The following TBC1D24 variants were observed in gnomAD, a reference collection of about 807,000 sequenced individuals.
TBC1D24 encodes the protein Infantile myoclonic epilepsy.
TBC1D24 carries 47 observed loss-of-function variants against 50.7 expected under a neutral mutation model. The ratio of observed to expected loss-of-function variants is 0.93; its 90% CI spans 0.73 to 1.18. TBC1D24 has a LOEUF of 1.18. Among genes scored for constraint, TBC1D24 ranks in the 50% most tolerant of loss-of-function variants. The pLI is 0.00. For synonymous variants in TBC1D24, 324 were observed against 335.2 expected (o/e 0.97, Z 0.36); for missense variants, 688 against 766.5 (o/e 0.90, Z 1.21).
chr16:2,495,035 A>ACACAC (rs1567410283), intron 1 of TBC1D24, among the ~76,000 whole-genome samples: 1 of 144,066 alleles, frequency 6.9e-6, no homozygotes, highest in African/African-American at 2.8e-5. Context: ...CACACACACA[A>ACACAC]AATAAATAAT....
intron 1 of TBC1D24, among the ~76,000 whole-genome samples, chr16:2,489,227 C>T (rs1346731433): frequency 1.3e-5 from 2 of 151,660 alleles, no homozygotes; most frequent in African/African-American, 4.9e-5. Context: ...GTCAGGAGTT[C>T]GAGATCAGCC....
chr16:2,498,492 T>C, intron 4 of TBC1D24, 96 bp downstream of exon 4: 1 of 1,197,662 alleles, frequency 8.3e-7, no homozygotes, highest in Non-Finnish European at 1.2e-6. Flanking sequence ...CGGCACCTGG[T>C]GAGGCCCTGC....
At position 2,497,741 on chromosome 16, in the gene TBC1D24, T is replaced by C. The variant is rs1427307858; in HGVS notation, c.983+14T>C. On this transcript the variant is annotated intron_variant, in intron 3 of 7. Coordinates refer to ENST00000646147, the MANE Select transcript of TBC1D24 (RefSeq NM_001199107.2). ...ACTTTCTAAAAGGTAGGTCTGAAAC[T>C]GTATCTGCACACCTGGCCTCTGTCT... 8 of 1,535,886 alleles carry C rather than the reference T, an allele frequency of 5.2e-6. No homozygotes were observed. In the East Asian group the frequency reaches 7.3e-5, roughly 14 times the overall value.
At chr16:2,490,263 A>G (rs1040136150) in intron 1 of TBC1D24, among the ~76,000 whole-genome samples, 4 of 152,184 alleles carry the variant, frequency 2.6e-5, no homozygotes, top group African/African-American at 9.7e-5. Context: ...CCCAAGGCTG[A>G]GGACCAAAGA....
chr16:2,499,369 G>T lies in TBC1D24; in HGVS notation c.1155G>T (p.Gln385His). The T allele has an allele frequency of 1.2e-6, 2 of 1,613,488 alleles. No individual in the cohort carries two copies. Among genetic ancestry groups the T allele is most frequent in the Non-Finnish European group, 1.7e-6 (2 of 1,179,818 alleles). The change falls in exon 5 of 8, where the codon CAG becomes CAT. Residue 385 changes from glutamine to histidine, a missense_variant. By Grantham distance (24) the Gln-to-His change is conservative. Coordinates refer to ENST00000646147, the MANE Select transcript of TBC1D24 (RefSeq NM_001199107.2). The surrounding 1 kb of genome is among the most constrained non-coding windows in gnomAD (Gnocchi z 4.0). The part of the protein sequence containing the change: ...HGYSLARFYF[Q>H]CEGHEPTLLL... ...GTCTCTACGCCAGGTTCTACTTCCA[G>T]TGTGAAGGACATGAGCCTACCCTCT...
Position 2,499,633 on chromosome 16 carries a change from T to G in TBC1D24, c.1207-202T>G, listed in dbSNP as rs1331104957. ...TCCCCAACACAGCCCCCGCCCACCC[T>G]CATTGCCAGCCCCAAGCCAGGGGCA... On this transcript the variant is annotated intron_variant, in intron 5 of 7. Transcript: ENST00000646147. The surrounding 1 kb of genome is among the most constrained non-coding windows in gnomAD (Gnocchi z 4.0). 2.0e-5 allele frequency among the ~76,000 whole-genome samples: 3 copies of G among 151,694 alleles called. No individual in the cohort carries two copies. The highest frequency in any genetic ancestry group is 4.4e-5 in the Non-Finnish European group (3 of 67,870).
At position 2,496,728 on chromosome 16, in the gene TBC1D24, G is replaced by A. The variant is rs1477986757; in HGVS notation, c.580G>A (p.Ala194Thr). ...CCTGGTGAACAAGTACTGCCAGGCG[G>A]CCCACAAGCTGATGGTGGCCGTGTC... Reference protein sequence around the residue: ...GDLVNKYCQAAHKLMVAVSED... With the variant: ...GDLVNKYCQATHKLMVAVSED... Residue 194 changes from alanine to threonine, a missense_variant, in exon 2 of 8, where the codon GCC becomes ACC. Coordinates refer to ENST00000646147, the MANE Select transcript of TBC1D24 (RefSeq NM_001199107.2). 1 of 1,613,766 alleles carries A rather than the reference G, an allele frequency of 6.2e-7. No homozygotes were observed. The highest frequency in any genetic ancestry group is 8.5e-7 in the Non-Finnish European group (1 of 1,180,052).
rs77196431 is a variant in TBC1D24 at position 2,485,727 on chromosome 16, C to T, written c.-115-10307C>T. On this transcript the variant is annotated intron_variant, in intron 1 of 7. Transcript: ENST00000646147. This position sits in a 1 kb window ranked among gnomAD's most constrained non-coding sequence, Gnocchi z 4.6. ...ATTGAATTGGAGGACACCCTGCGGG[C>T]GCCCGCTGCAGAATGGATTGCTTGC... Among the ~76,000 whole-genome samples, 19 of 152,356 alleles carry T rather than the reference C, an allele frequency of 1.2e-4. No homozygotes were observed. In the East Asian group the frequency reaches 3.3e-3, roughly 26 times the overall value.
At chr16:2,492,555 G>A (rs1313450232) in intron 1 of TBC1D24, among the ~76,000 whole-genome samples, 1 of 152,186 alleles carries the variant, frequency 6.6e-6, no homozygotes. Context: ...CCAGAGGCTA[G>A]TGGGCCCATA....
chr16:2,496,445 G>A lies in TBC1D24; in HGVS notation c.297G>A (p.Thr99=), dbSNP rs767766165. The A allele has an allele frequency of 1.9e-5, 30 of 1,612,580 alleles. No homozygotes were observed. The highest frequency in any genetic ancestry group is 1.6e-4 in the Middle Eastern group (1 of 6,062). The change falls in exon 2 of 8, where the codon ACG becomes ACA. Residue 99 remains threonine (T), a synonymous_variant. Transcript: ENST00000646147. ...CLPLPEFVDN[T]QVPSYCLNAR... ...CGCTGCCCGAGTTCGTGGACAACACGCAGGTGCCCAGCTACTGCCTGAATG... is the reference window on the plus strand; with the variant it reads ...CGCTGCCCGAGTTCGTGGACAACACACAGGTGCCCAGCTACTGCCTGAATG...
chr16:2,480,625 G>A (rs146394203), intron 1 of TBC1D24: 1 of 151,906 alleles, frequency 6.6e-6, no homozygotes, highest in Non-Finnish European at 1.5e-5. Context: ...ACTCACTGTG[G>A]CATGGTAAAT....
chr16:2,497,391 A>G (rs890373829), intron 2 of TBC1D24, among the ~76,000 whole-genome samples: 1 of 152,064 alleles, frequency 6.6e-6, no homozygotes, highest in Non-Finnish European at 1.5e-5. Flanking sequence ...GGCCAGGCCC[A>G]CTCCCAGGGT....
At position 2,503,715 on chromosome 16, in the gene TBC1D24, C is replaced by T. The variant is rs1363192052; in HGVS notation, c.*2757C>T. On this transcript the variant is annotated 3_prime_UTR_variant, in exon 8 of 8. Transcript: ENST00000646147. ...GGATTACAGGCATACGCCACCACGC[C>T]CAGCTAAATTTTTTTTGTATTTTTA... The T allele has an allele frequency of 6.6e-6, 1 of 152,020 alleles. No homozygotes were observed. Among genetic ancestry groups the T allele is most frequent in the Admixed American group, 6.6e-5 (1 of 15,258 alleles). The allele number at this position is 152,020 out of a possible 1,614,324, so 9.4% of individuals were successfully genotyped here.
At chr16:2,498,130 G>T in intron 3 of TBC1D24, 108 bp from the exon 4 acceptor site, 1 of 1,435,278 alleles carries the variant, frequency 7.0e-7, no homozygotes, top group Non-Finnish European at 9.5e-7. Flanking sequence ...AAGCAGGCGA[G>T]AAGTTCCCTC....
chr16:2,497,004 C>G lies in TBC1D24; in HGVS notation c.856C>G (p.Leu286Val), dbSNP rs775099094. The change falls in exon 2 of 8, where the codon CTG (leucine) becomes GTG (valine). Residue 286 changes from leucine to valine, a missense_variant. Coordinates refer to ENST00000646147, the MANE Select transcript of TBC1D24 (RefSeq NM_001199107.2). ...IAKTVSPEKL[L>V]EKAFAIRLFS... ...GAAGACGGTGTCCCCTGAGAAGCTGCTGGAGAAAGCGTTCGCCATCCGCCT... is the reference window on the plus strand; with the variant it reads ...GAAGACGGTGTCCCCTGAGAAGCTGGTGGAGAAAGCGTTCGCCATCCGCCT... The G allele has an allele frequency of 8.1e-6, 13 of 1,613,822 alleles. No individual in the cohort carries two copies. The highest frequency in any genetic ancestry group is 1.0e-5 in the Non-Finnish European group (12 of 1,180,056).
At position 2,485,897 on chromosome 16, in the gene TBC1D24, TC is replaced by T. The variant is rs2065645693; in HGVS notation, c.-115-10134del. On this transcript the variant is annotated intron_variant, in intron 1 of 7. Coordinates refer to ENST00000646147, the MANE Select transcript of TBC1D24 (RefSeq NM_001199107.2). The surrounding 1 kb of genome is among the most constrained non-coding windows in gnomAD (Gnocchi z 4.6). ...GGCCCTCTCAGCCACCCCCACACCG[TC>T]CCTACCATTCCCACCTGGCCCGCTG... Among the ~76,000 whole-genome samples the T allele has an allele frequency of 2.0e-5, 3 of 152,140 alleles. No homozygotes were observed. Among genetic ancestry groups the T allele is most frequent in the Admixed American group, 2.0e-4 (3 of 15,266 alleles).
Position 2,503,469 on chromosome 16 carries a change from G to A in TBC1D24, c.*2511G>A, listed in dbSNP as rs796707697. On this transcript the variant is annotated 3_prime_UTR_variant, in exon 8 of 8. Transcript: ENST00000646147. ...CAAAAGTGGCTGCTCTGCCTATGAA[G>A]TAGCCATTCTTTGTTTAAAAAAAAA... 3 of 149,730 alleles carry A rather than the reference G, an allele frequency of 2.0e-5. No homozygotes were observed. Among genetic ancestry groups the A allele is most frequent in the African/African-American group, 4.9e-5 (2 of 40,628 alleles). 9.3% of individuals were successfully genotyped at this position (149,730 alleles called of 1,614,324 possible).
In TBC1D24 at chr16:2,500,390, C is replaced by T. The variant is rs370869383; in HGVS notation, c.1425C>T (p.Pro475=). Residue 475 remains proline (P), a synonymous_variant, in exon 7 of 8, where the codon CCC becomes CCT. Coordinates refer to ENST00000646147, the MANE Select transcript of TBC1D24 (RefSeq NM_001199107.2). The surrounding 1 kb of genome is among the most constrained non-coding windows in gnomAD (Gnocchi z 8.0). ...APLSHSASSD[P]ADRLSPFLAA... ...TCAGCCACTCCGCCTCCTCAGACCC[C>T]GCTGACCGCCTCTCGCCCTTCCTGG... 1.1e-4 allele frequency: 175 copies of T among 1,605,090 alleles called. No homozygotes were observed. The highest frequency in any genetic ancestry group is 1.8e-4 in the Admixed American group (11 of 59,464).
At position 2,497,590 on chromosome 16, in the gene TBC1D24, C is replaced by G. The variant is rs2065754555; in HGVS notation, c.966-120C>G. The G allele has an allele frequency of 3.1e-6, 3 of 978,244 alleles. No homozygotes were observed. In the East Asian group the frequency reaches 7.8e-5, roughly 26 times the overall value. The allele number at this position is 978,244 out of a possible 1,614,324, so 60.6% of individuals were successfully genotyped here. A position where few individuals can be genotyped will look rare whatever the true frequency, so the allele number is the denominator to read the frequency against. ...ATGGTGCCACGCTGCGGCCTGTTGG[C>G]GTGCAGCCCTCTTTCTTCTGGGCCA... is the stretch of plus-strand genomic sequence containing the variant. On this transcript the variant is annotated intron_variant, in intron 2 of 7. Transcript: ENST00000646147.
Sources: allele counts gnomAD v4.1 joint callset (sites outside exome capture counted in the v4.1 genomes callset), GRCh38; gene constraint gnomAD v4.1.1; non-coding constraint Gnocchi (gnomAD v3.1); transcripts MANE v1.5; gene names NCBI Gene and HGNC (gene_info 2026-07-23, HGNC 2026-07-21).